Variants in COPA observed in about 807,000 individuals in gnomAD.
COPA encodes coat protein complex I subunit alpha.
In COPA, 10 loss-of-function variants were observed where a neutral mutation model predicts 158.7. The observed-to-expected ratio is 0.06, with a 90% CI of 0.04 to 0.11. COPA has a LOEUF of 0.11. COPA is among the 10% of genes least tolerant of loss of function. COPA has a pLI of 1.00. For missense variants in COPA, 1,065 were observed against 1,536.7 expected, an observed-to-expected ratio of 0.69 and a Z score of 5.13; for synonymous variants, 462 against 542.8, an observed-to-expected ratio of 0.85 and a Z score of 2.07.
At chr1:160,295,243 G>C (rs1291196955) in intron 23 of COPA, among the ~76,000 whole-genome samples, 1 of 152,144 alleles carries the variant, frequency 6.6e-6, no homozygotes. Flanking sequence ...AGTGGGGTTT[G>C]GCACAAAATG....
At chr1:160,331,638 G>C (rs931035071) in intron 6 of COPA, among the ~76,000 whole-genome samples, 2 of 136,738 alleles carry the variant, frequency 1.5e-5, no homozygotes, top group Non-Finnish European at 3.0e-5. Context: ...GACAGAGTGA[G>C]ACTCCATCTC....
intron 3 of COPA, 119 bp downstream of exon 3, chr1:160,339,790 G>T: frequency 2.4e-6 from 2 of 817,328 alleles, no homozygotes; most frequent in Non-Finnish European, 2.0e-6. Context: ...TCCGGATAAT[G>T]TTGTCAAAGG....
At chr1:160,315,905 A>G (rs946300488) in intron 8 of COPA, among the ~76,000 whole-genome samples, 2 of 152,260 alleles carry the variant, frequency 1.3e-5, no homozygotes, top group African/African-American at 4.8e-5. Flanking sequence ...AATTTACCAG[A>G]GAAGTTTAAC....
At chr1:160,334,738 A>G (rs1219623833) in intron 4 of COPA, among the ~76,000 whole-genome samples, 2 of 152,206 alleles carry the variant, frequency 1.3e-5, no homozygotes, top group Admixed American at 6.5e-5. Flanking sequence ...GCACCTCACT[A>G]TCTAAATCTA....
rs1156879309 is a variant in COPA at position 160,331,942 on chromosome 1, C to T, written c.496+506G>A. Among the ~76,000 whole-genome samples, 7 of 151,476 alleles carry T rather than the reference C, an allele frequency of 4.6e-5. No homozygotes were observed. The South Asian group carries it at 1.5e-3, about 32-fold the overall frequency. On this transcript the variant is annotated intron_variant, in intron 6 of 32. Transcript: ENST00000241704. ...CAGCCTGGGCAACAAAGCAAGACTC[C>T]CTCTCAGAAAAAAAAAAAAGGTATT...
chr1:160,309,049 T>G, intron 13 of COPA, 52 bp downstream of exon 13: 1 of 1,402,858 alleles, frequency 7.1e-7, no homozygotes, highest in Non-Finnish European at 1.0e-6. Flanking sequence ...GGAGTTATGA[T>G]GCGGGTGAGG....
Position 160,297,680 on chromosome 1 carries a change from G to A in COPA, c.2043C>T (p.Ala681=), listed in dbSNP as rs2101827768. Residue 681 remains alanine, a synonymous_variant, in exon 20 of 33, where the codon GCC becomes GCT. Transcript: ENST00000241704. ...KNCWEKLGEV[A]LLQGNHQIVE... is the part of the protein sequence containing the mutation. ...CAATCTGGTGGTTCCCCTGCAGCAG[G>A]GCCACTTCTCCCAGCTTTTCCCAGC... The A allele has an allele frequency of 6.2e-7, 1 of 1,614,018 alleles. No homozygotes were observed. Among genetic ancestry groups the A allele is most frequent in the South Asian group, 1.1e-5 (1 of 91,074 alleles).
chr1:160,294,016 G>A (rs372336830), intron 25 of COPA, among the ~76,000 whole-genome samples: 34 of 152,312 alleles, frequency 2.2e-4, no homozygotes, highest in Admixed American at 1.9e-3. Flanking sequence ...CTGGCAGAAC[G>A]CTGATTACCT....
At position 160,305,666 on chromosome 1, in the gene COPA, G is replaced by C. The variant is rs771451174; in HGVS notation, c.1528+22C>G. The C allele has an allele frequency of 1.9e-6, 3 of 1,613,934 alleles. No individual in the cohort carries two copies. The Admixed American group carries it at 5.0e-5, about 27-fold the overall frequency. ...TGGAAGGGAATGGTCTCTAAATCAG[G>C]GTGGATATAATGAAGACTCACCGTG... On this transcript the variant is annotated intron_variant, in intron 16 of 32. Transcript: ENST00000241704.
rs1293466692 is a variant in COPA at position 160,343,217 on chromosome 1, C to G, written c.-47G>C. 1.5e-5 allele frequency: 25 copies of G among 1,613,278 alleles called. No homozygotes were observed. Among genetic ancestry groups the G allele is most frequent in the Non-Finnish European group, 2.1e-5 (25 of 1,179,216 alleles). On this transcript the variant is annotated 5_prime_UTR_variant, in exon 1 of 33. Coordinates refer to ENST00000241704, the MANE Select transcript of COPA (RefSeq NM_004371.4). ...TGTCTTAATCCGAGCCCCGACACAC[C>G]CTGCTGCCCTTCGGACGCCTCCACG...
Position 160,339,831 on chromosome 1 carries a change from C to A in COPA, c.228+78G>T. The A allele has an allele frequency of 3.7e-6, 5 of 1,336,152 alleles. No individual in the cohort carries two copies. The Admixed American group carries it at 7.1e-5, about 19-fold the overall frequency. 82.8% of individuals were successfully genotyped at this position (1,336,152 alleles called of 1,614,324 possible). A position where few individuals can be genotyped will look rare whatever the true frequency, so the allele number is the denominator to read the frequency against. On this transcript the variant is annotated intron_variant, in intron 3 of 32. Coordinates refer to ENST00000241704, the MANE Select transcript of COPA (RefSeq NM_004371.4). ...GCTCTGTATGAATGAAATTTCCTGTCTTTCAGTTCCTTTCATGATTCCCAA... is the reference window on the plus strand; with the variant it reads ...GCTCTGTATGAATGAAATTTCCTGTATTTCAGTTCCTTTCATGATTCCCAA...
At chr1:160,323,604 C>A in intron 7 of COPA, 74 bp from the exon 8 acceptor site, 1 of 1,160,660 alleles carries the variant, frequency 8.6e-7, no homozygotes, top group Non-Finnish European at 1.2e-6. Flanking sequence ...TCAAGCTACT[C>A]GTTGTAAAAA....
chr1:160,333,122 C>A (rs1647606083), intron 5 of COPA, among the ~76,000 whole-genome samples: 1 of 152,222 alleles, frequency 6.6e-6, no homozygotes, highest in Non-Finnish European at 1.5e-5. Context: ...CGGGGTTTCA[C>A]CATCTTGGCC....
chr1:160,302,521 CT>C (rs1461219679), intron 17 of COPA, among the ~76,000 whole-genome samples: 3 of 143,874 alleles, frequency 2.1e-5, no homozygotes, highest in African/African-American at 7.7e-5. Flanking sequence ...AAACCACAAA[CT>C]TTTTTTGTGT....
Position 160,291,814 on chromosome 1 carries a change from C to G in COPA, c.3258+5G>C. Reference sequence around the variant, plus strand: ...CTGTTGTGCTCAGGGTCCTATAGATCTTACCTCACAGATGCGCTTCTGCTG... The same window carrying G: ...CTGTTGTGCTCAGGGTCCTATAGATGTTACCTCACAGATGCGCTTCTGCTG... On this transcript the variant is annotated splice_donor_5th_base_variant and intron_variant, in intron 30 of 32. Coordinates refer to ENST00000241704, the MANE Select transcript of COPA (RefSeq NM_004371.4). 1 of 1,613,814 alleles carries G rather than the reference C, an allele frequency of 6.2e-7. No individual in the cohort carries two copies. Among genetic ancestry groups the G allele is most frequent in the East Asian group, 2.2e-5 (1 of 44,878 alleles).
At chr1:160,314,749 C>T (rs1392841481) in intron 8 of COPA, among the ~76,000 whole-genome samples, 1 of 152,152 alleles carries the variant, frequency 6.6e-6, no homozygotes, top group Non-Finnish European at 1.5e-5. Flanking sequence ...TTTCAGGGAC[C>T]TGCCACTTTA....
intron 11 of COPA, among the ~76,000 whole-genome samples, chr1:160,311,206 C>T (rs1377260246): frequency 6.6e-6 from 1 of 151,620 alleles, no homozygotes; most frequent in Non-Finnish European, 1.5e-5. Flanking sequence ...TTTGGGAGGC[C>T]GAGGTGGGCG....
In COPA at chr1:160,297,637, G is replaced by A. The variant is rs1658458280; in HGVS notation, c.2086C>T (p.Arg696Cys). The change falls in exon 20 of 33, where the codon CGT (arginine) becomes TGT (cysteine). Residue 696 changes from arginine (R) to cysteine (C), a missense_variant. By Grantham distance (180) the Arg-to-Cys change is radical (BLOSUM62 -3). Around this residue, in one of 2 missense-constraint regions of COPA, gnomAD observed 980 missense variants for 1,357.8 expected, o/e 0.72. Transcript: ENST00000241704. ...NHQIVEMCYQ[R>C]TKNFDKLSFL... The stretch of plus-strand genomic sequence containing the variant: ...GAAAGTTTGTCAAAGTTTTTGGTAC[G>A]CTGATAGCACATTTCCACAATCTGG... The A allele has an allele frequency of 8.7e-6, 14 of 1,613,996 alleles. No individual in the cohort carries two copies. Among genetic ancestry groups the A allele is most frequent in the Non-Finnish European group, 1.2e-5 (14 of 1,180,018 alleles).
intron 8 of COPA, among the ~76,000 whole-genome samples, chr1:160,319,741 C>T (rs1184964375): frequency 6.6e-6 from 1 of 151,280 alleles, no homozygotes; most frequent in Non-Finnish European, 1.5e-5. Flanking sequence ...AAAATACAAA[C>T]ACATGTAAGT....
Sources: allele counts gnomAD v4.1 joint callset (sites outside exome capture counted in the v4.1 genomes callset), GRCh38; gene constraint gnomAD v4.1.1; regional missense constraint gnomAD v4.1.1; transcripts MANE v1.5; gene names NCBI Gene and HGNC (gene_info 2026-07-23, HGNC 2026-07-21).